PEBP4: variants seen among roughly 807,000 people sequenced by gnomAD.
PEBP4 encodes phosphatidylethanolamine binding protein 4, also known as phosphatidylethanolamine-binding protein 4.
A neutral mutation model predicts 23.9 loss-of-function variants in PEBP4; 22 were observed. The observed-to-expected ratio is 0.92, with a 90% CI of 0.66 to 1.31. The LOEUF (loss-of-function observed/expected upper bound fraction) is 1.31. Among genes scored for constraint, PEBP4 ranks in the 40% most tolerant of loss-of-function variants. PEBP4 has a pLI of 0.00. For missense variants in PEBP4, 324 were observed against 281.7 expected, an observed-to-expected ratio of 1.15 and a Z score of -1.07; for synonymous variants, 112 against 99.3, an observed-to-expected ratio of 1.13 and a Z score of -0.76.
chr8:22,907,761 T>C (rs936863397), intron 3 of PEBP4, among the ~76,000 whole-genome samples: 3 of 152,290 alleles, frequency 2.0e-5, no homozygotes, highest in African/African-American at 7.2e-5. Flanking sequence ...TCTGACTGCC[T>C]GGCTGAGAGT....
intron 4 of PEBP4, among the ~76,000 whole-genome samples, chr8:22,796,957 A>T (rs1806273172): frequency 1.1e-5 from 1 of 88,176 alleles, no homozygotes; most frequent in East Asian, 3.8e-4. Flanking sequence ...TAAAAATTAA[A>T]AAAAAAAAAA....
intron 4 of PEBP4, among the ~76,000 whole-genome samples, chr8:22,793,053 C>T (rs1806172530): frequency 6.6e-6 from 1 of 152,026 alleles, no homozygotes; most frequent in Non-Finnish European, 1.5e-5. Context: ...CAGCTAAGCC[C>T]AAAGAATATA....
At chr8:22,867,584 G>T (rs1029185140) in intron 3 of PEBP4, among the ~76,000 whole-genome samples, 31 of 152,090 alleles carry the variant, frequency 2.0e-4, no homozygotes, top group Admixed American at 1.2e-3. Context: ...CTGGACAAAG[G>T]CCAGTTCACT....
chr8:22,916,662 T>TCATTCATTCATGCATTCATG (rs1554497228), intron 3 of PEBP4, among the ~76,000 whole-genome samples: 5 of 152,178 alleles, frequency 3.3e-5, no homozygotes, highest in Admixed American at 2.6e-4. Flanking sequence ...ATTCATTCAT[T>TCATTCATTCATGCATTCATG]CATTCATGCA....
chr8:22,763,272 T>G (rs1017077490), intron 4 of PEBP4, among the ~76,000 whole-genome samples: 15 of 152,234 alleles, frequency 9.9e-5, no homozygotes, highest in African/African-American at 3.4e-4. Context: ...CCCAAAGTGC[T>G]GGGATTACAG....
intron 6 of PEBP4, among the ~76,000 whole-genome samples, chr8:22,720,326 A>G (rs1296948828): frequency 6.6e-6 from 1 of 152,154 alleles, no homozygotes; most frequent in Non-Finnish European, 1.5e-5. Flanking sequence ...GTTGTTCTAG[A>G]GGATGTGATG....
At chr8:22,926,231 C>A (rs1809329907) in intron 2 of PEBP4, among the ~76,000 whole-genome samples, 1 of 152,176 alleles carries the variant, frequency 6.6e-6, no homozygotes, top group Non-Finnish European at 1.5e-5. Flanking sequence ...CTGCCTCAGT[C>A]TCCCAAAGTC....
intron 3 of PEBP4, among the ~76,000 whole-genome samples, chr8:22,864,482 T>C (rs935011753): frequency 2.0e-5 from 3 of 152,128 alleles, no homozygotes; most frequent in Non-Finnish European, 1.5e-5. Flanking sequence ...GAACCACCAA[T>C]AGACCATAGG....
rs1448453299 is a variant in PEBP4 at position 22,865,600 on chromosome 8, C to T, written c.259-47865G>A. On this transcript the variant is annotated intron_variant, in intron 3 of 6. Coordinates refer to ENST00000256404, the MANE Select transcript of PEBP4 (RefSeq NM_144962.3). This position sits in a 1 kb window ranked among gnomAD's most constrained non-coding sequence, Gnocchi z 6.9. ...GGAATTCCCTCCGCCCGGGCGCACG[C>T]GGCCCCCCGCCCCCGCCCCATCCTG... 2.0e-5 allele frequency among the ~76,000 whole-genome samples: 3 copies of T among 152,184 alleles called. No individual in the cohort carries two copies. Among genetic ancestry groups the T allele is most frequent in the Non-Finnish European group, 2.9e-5 (2 of 68,014 alleles).
chr8:22,766,713 A>G (rs956582911), intron 4 of PEBP4, among the ~76,000 whole-genome samples: 2 of 152,184 alleles, frequency 1.3e-5, no homozygotes, highest in Admixed American at 6.5e-5. Context: ...ATGGAATCCA[A>G]TATGAAGATG....
intron 4 of PEBP4, among the ~76,000 whole-genome samples, chr8:22,762,242 A>G (rs1805523672): frequency 6.6e-6 from 1 of 152,102 alleles, no homozygotes; most frequent in Non-Finnish European, 1.5e-5. Flanking sequence ...TCTACCTCCC[A>G]CCCCAGTGAA....
intron 6 of PEBP4, among the ~76,000 whole-genome samples, chr8:22,715,616 C>G (rs1804400305): frequency 6.6e-6 from 1 of 152,218 alleles, no homozygotes; most frequent in Non-Finnish European, 1.5e-5. Flanking sequence ...CGAGAGCTGG[C>G]TCCCCTCAAT....
At chr8:22,728,559 T>TCTTTCTTCCTTCCTTCCTTCCTTCCTTC (rs1462225042) in intron 4 of PEBP4, among the ~76,000 whole-genome samples, 101 of 96,340 alleles carry the variant, frequency 1.0e-3, no homozygotes, top group Middle Eastern at 4.2e-3. Context: ...TTTCTTTCTT[T>TCTTTCTTCCTTCCTTCCTTCCTTCCTTC]CTTCCTTCCT....
At chr8:22,767,534 G>A (rs1805633857) in intron 4 of PEBP4, among the ~76,000 whole-genome samples, 1 of 152,202 alleles carries the variant, frequency 6.6e-6, no homozygotes, top group Admixed American at 6.5e-5. Context: ...AGAATACTAT[G>A]ATTGCATTTA....
At chr8:22,857,742 T>C (rs988775522) in intron 3 of PEBP4, among the ~76,000 whole-genome samples, 2 of 152,216 alleles carry the variant, frequency 1.3e-5, no homozygotes, top group Non-Finnish European at 2.9e-5. Flanking sequence ...CATCGAATAC[T>C]GAAGCATTCC....
chr8:22,928,333 C>G (rs1004325691), upstream of PEBP4, among the ~76,000 whole-genome samples: 3 of 152,162 alleles, frequency 2.0e-5, no homozygotes, highest in Admixed American at 6.5e-5. Flanking sequence ...TAGGTGCACC[C>G]CAGACCGAGG....
chr8:22,904,101 G>A (rs1808761747), intron 3 of PEBP4, among the ~76,000 whole-genome samples: 1 of 152,224 alleles, frequency 6.6e-6, no homozygotes, highest in Non-Finnish European at 1.5e-5. Context: ...GTGGGGCAAG[G>A]CTGATTAATG....
At chr8:22,789,885 G>A (rs758056953) in intron 4 of PEBP4, among the ~76,000 whole-genome samples, 6 of 152,240 alleles carry the variant, frequency 3.9e-5, no homozygotes, top group South Asian at 2.1e-4. Flanking sequence ...CAGGTGCAAC[G>A]GGCAGATGCC....
rs1406775269 is a variant in PEBP4, at chr8:22,715,863, G to A, written c.518-2327C>T. Among the ~76,000 whole-genome samples the A allele has an allele frequency of 2.0e-5, 3 of 152,234 alleles. No homozygotes were observed. The East Asian group carries it at 5.8e-4, about 29-fold the overall frequency. ...AGGGGGTGAGTCAGGCCCTTGGGGT[G>A]TGTGGGGAGAGCTGGAGAGCTAGGA... On this transcript the variant is annotated intron_variant, in intron 6 of 6. Coordinates refer to ENST00000256404, the MANE Select transcript of PEBP4 (RefSeq NM_144962.3).
Sources: gnomAD v4.1 joint callset for allele counts (sites outside exome capture counted in the v4.1 genomes callset) on GRCh38, gnomAD v4.1.1 for gene constraint, Gnocchi (gnomAD v3.1) non-coding constraint, MANE v1.5 for transcripts, NCBI Gene and HGNC (gene_info 2026-07-23, HGNC 2026-07-21) for gene names.